The following TRPM3 variants were observed in gnomAD, a reference collection of about 807,000 sequenced individuals.
TRPM3 encodes transient receptor potential cation channel subfamily M member 3, also known as long transient receptor potential channel 3.
In TRPM3, 77 loss-of-function variants were observed where a neutral mutation model predicts 181.2. The ratio of observed to expected loss-of-function variants is 0.42; its 90% confidence interval spans 0.35 to 0.51. The LOEUF (loss-of-function observed/expected upper bound fraction) is 0.51. Ranked by LOEUF, TRPM3 falls within the 20% of genes least tolerant of loss-of-function variation. The probability of loss-of-function intolerance (pLI) is 0.01; values close to 1 mark genes in which losing one functional copy is unlikely to be tolerated. For synonymous variants in TRPM3, 745 were observed against 796.4 expected (o/e 0.94, Z 1.09); for missense variants, 1,759 against 2,196.7 (o/e 0.80, Z 3.98).
At chr9:71,401,004 C>A (rs1019920396) in intron 1 of TRPM3, among the ~76,000 whole-genome samples, 1 of 152,018 alleles carries the variant, frequency 6.6e-6, no homozygotes, top group African/African-American at 2.4e-5. Context: ...TGGAAACCAG[C>A]CTGGCCAACA....
At chr9:71,280,385 A>G (rs190180114) in intron 1 of TRPM3, among the ~76,000 whole-genome samples, 54 of 152,264 alleles carry the variant, frequency 3.5e-4, no homozygotes, top group African/African-American at 1.2e-3. Flanking sequence ...AAATTTCCCA[A>G]TGGGAACATA....
chr9:70,670,218 A>G (rs1289832252), intron 9 of TRPM3, among the ~76,000 whole-genome samples: 3 of 152,214 alleles, frequency 2.0e-5, no homozygotes, highest in Non-Finnish European at 2.9e-5. Flanking sequence ...GTGTTCTGGC[A>G]TAATTATTAA....
chr9:71,445,290 T>A (rs2094188570), intron 1 of TRPM3, among the ~76,000 whole-genome samples: 1 of 152,336 alleles, frequency 6.6e-6, no homozygotes, highest in Admixed American at 6.5e-5. Flanking sequence ...ACATACTTGA[T>A]AAAAAACAGA....
At chr9:71,218,884 G>A (rs1169685211) in intron 1 of TRPM3, among the ~76,000 whole-genome samples, 1 of 152,144 alleles carries the variant, frequency 6.6e-6, no homozygotes, top group East Asian at 1.9e-4. Context: ...AATAGATAAG[G>A]CCAAAGTTAC....
intron 1 of TRPM3, among the ~76,000 whole-genome samples, chr9:70,894,521 C>T (rs867610807): frequency 3.9e-5 from 6 of 152,288 alleles, no homozygotes; most frequent in Middle Eastern, 3.4e-3. Context: ...CTATTAAACA[C>T]ATGTTTCTTG....
intron 1 of TRPM3, among the ~76,000 whole-genome samples, chr9:71,147,190 A>T (rs898988387): frequency 1.3e-5 from 2 of 152,116 alleles, no homozygotes; most frequent in African/African-American, 4.8e-5. Context: ...ACAGTGAAAA[A>T]ATAGAGTATT....
chr9:70,868,298 A>C (rs2095698999), intron 1 of TRPM3, among the ~76,000 whole-genome samples: 1 of 152,068 alleles, frequency 6.6e-6, no homozygotes, highest in African/African-American at 2.4e-5. Context: ...TAATTAAAAG[A>C]CATCATATTC....
intron 1 of TRPM3, among the ~76,000 whole-genome samples, chr9:71,158,005 T>C (rs2076090779): frequency 6.6e-6 from 1 of 152,164 alleles, no homozygotes; most frequent in Non-Finnish European, 1.5e-5. Flanking sequence ...TAACTTGTCA[T>C]GCAAGACTGG....
chr9:71,242,845 T>C (rs543805359), intron 1 of TRPM3, among the ~76,000 whole-genome samples: 33 of 152,172 alleles, frequency 2.2e-4, no homozygotes, highest in Admixed American at 1.9e-3. Flanking sequence ...ACGCCTCTGC[T>C]TACAACCTTC....
chr9:70,794,047 G>C (rs1005442453), intron 6 of TRPM3, among the ~76,000 whole-genome samples: 1 of 152,042 alleles, frequency 6.6e-6, no homozygotes, highest in South Asian at 2.1e-4. Context: ...AGCAGCGTCT[G>C]TACTTGGACT....
intron 1 of TRPM3, among the ~76,000 whole-genome samples, chr9:71,371,629 T>C (rs1237276709): frequency 6.6e-6 from 1 of 152,288 alleles, no homozygotes; most frequent in East Asian, 1.9e-4. Context: ...CTACTCCTGG[T>C]GAAGATGCTT....
At chr9:71,330,727 G>A (rs945552532) in intron 1 of TRPM3, among the ~76,000 whole-genome samples, 10 of 151,808 alleles carry the variant, frequency 6.6e-5, no homozygotes, top group African/African-American at 2.2e-4. Context: ...GAAGAGATAA[G>A]GGGAATCTGA....
At chr9:70,613,030 T>G (rs2062221871) in intron 18 of TRPM3, among the ~76,000 whole-genome samples, 1 of 152,192 alleles carries the variant, frequency 6.6e-6, no homozygotes, top group Non-Finnish European at 1.5e-5. Context: ...AGTGGAGACA[T>G]TTAACCAGCA....
intron 1 of TRPM3, among the ~76,000 whole-genome samples, chr9:70,974,680 G>T (rs2097284693): frequency 6.6e-6 from 1 of 151,456 alleles, no homozygotes; most frequent in Non-Finnish European, 1.5e-5. Flanking sequence ...AGTGAGCCGA[G>T]ATCACACGAC....
At chr9:71,131,159 A>G (rs937606424) in intron 1 of TRPM3, among the ~76,000 whole-genome samples, 2 of 152,176 alleles carry the variant, frequency 1.3e-5, no homozygotes, top group Non-Finnish European at 2.9e-5. Flanking sequence ...ATCATGCCTA[A>G]CCACTTTTAT....
intron 21 of TRPM3, among the ~76,000 whole-genome samples, chr9:70,597,175 T>C (rs2059171980): frequency 6.6e-6 from 1 of 152,130 alleles, no homozygotes; most frequent in African/African-American, 2.4e-5. Context: ...TCAGGTGATC[T>C]GCCCACCCTG....
At chr9:70,917,572 T>TTTTTTGAGACGGAGTCTCG in intron 1 of TRPM3, 1 of 592,484 alleles carries the variant, frequency 1.7e-6, no homozygotes, top group Non-Finnish European at 3.1e-6. Flanking sequence ...AGTTGTTATA[T>TTTTTTGAGACGGAGTCTCG]CAACTTAAAA....
At chr9:70,583,051 C>T (rs1428388048) in intron 22 of TRPM3, among the ~76,000 whole-genome samples, 2 of 152,124 alleles carry the variant, frequency 1.3e-5, no homozygotes, top group Non-Finnish European at 2.9e-5. Context: ...CAGGTACTGG[C>T]TTGGTACCCC....
At chr9:71,425,583 C>A (rs1415361958) in intron 1 of TRPM3, among the ~76,000 whole-genome samples, 1 of 152,148 alleles carries the variant, frequency 6.6e-6, no homozygotes. Context: ...CTGGTCCAGG[C>A]CATCATGATT....
Sources: gnomAD v4.1 joint callset for allele counts (sites outside exome capture counted in the v4.1 genomes callset) on GRCh38, gnomAD v4.1.1 for gene constraint, MANE v1.5 for transcripts, NCBI Gene and HGNC (gene_info 2026-07-23, HGNC 2026-07-21) for gene names.